Variants in PSMA6 observed in about 807,000 individuals in gnomAD.
PSMA6 encodes proteasome subunit alpha type-6.
For synonymous variants in PSMA6, 88 were observed against 97.7 expected (o/e 0.90, Z 0.59); for missense variants, 170 against 294.8 (o/e 0.58, Z 3.10).
intron 1 of PSMA6, among the ~76,000 whole-genome samples, chr14:35,299,105 T>C (rs527690656): frequency 6.6e-6 from 1 of 152,258 alleles, no homozygotes; most frequent in African/African-American, 2.4e-5. Flanking sequence ...TAGCTCACTG[T>C]AGCCTCAAAC....
At chr14:35,310,599 G>A in intron 3 of PSMA6, 141 bp from the exon 4 acceptor site, 1 of 757,406 alleles carries the variant, frequency 1.3e-6, no homozygotes. Flanking sequence ...GTATTCATTG[G>A]GGGAGAAAAA....
chr14:35,292,877 G>A, intron 1 of PSMA6: 1 of 512,486 alleles, frequency 2.0e-6, no homozygotes, highest in South Asian at 1.7e-5. Context: ...CCAGGCACAA[G>A]GTCTGTTTCT....
chr14:35,310,436 C>T (rs1259264603), intron 3 of PSMA6: 2 of 364,454 alleles, frequency 5.5e-6, no homozygotes, highest in African/African-American at 4.3e-5. Context: ...GCCACCATGC[C>T]CTGCCTCCTT....
In PSMA6 at chr14:35,303,857, T is replaced by C. The variant is rs535489644; in HGVS notation, c.77-4137T>C. On this transcript the variant is annotated intron_variant, in intron 1 of 6. Transcript: ENST00000261479. ...TAAACAATGTAGTATAACAACTATT[T>C]AGCATTTACATTGTATTAGCTAGTG... is the stretch of plus-strand genomic sequence containing the variant. Among the ~76,000 whole-genome samples the C allele has an allele frequency of 2.0e-5, 3 of 152,350 alleles. No homozygotes were observed. In the East Asian group the frequency reaches 5.8e-4, roughly 29 times the overall value.
At chr14:35,278,792 A>G in intron 1 of PSMA6, 1 of 1,489,162 alleles carries the variant, frequency 6.7e-7, no homozygotes, top group Non-Finnish European at 9.0e-7. Context: ...TCATTCTTAT[A>G]TTTTATTCCT....
chr14:35,299,025 C>T (rs987966558), intron 1 of PSMA6, among the ~76,000 whole-genome samples: 11 of 150,816 alleles, frequency 7.3e-5, no homozygotes, highest in Admixed American at 3.3e-4. Context: ...TGAGTCACTG[C>T]GTCCAGCTAT....
upstream of PSMA6, among the ~76,000 whole-genome samples, chr14:35,290,570 A>T (rs1199304360): frequency 6.6e-6 from 1 of 152,238 alleles, no homozygotes; most frequent in Non-Finnish European, 1.5e-5. Flanking sequence ...GAATTCCCTT[A>T]TGAAGGTCTT....
intron 1 of PSMA6, among the ~76,000 whole-genome samples, chr14:35,295,843 A>G (rs990086493): frequency 6.6e-6 from 1 of 152,140 alleles, no homozygotes; most frequent in Admixed American, 6.5e-5. Context: ...TTTGTAATCT[A>G]TTTTCAGGAA....
intron 1 of PSMA6, among the ~76,000 whole-genome samples, chr14:35,279,696 T>C (rs555158578): frequency 7.9e-5 from 12 of 152,356 alleles, no homozygotes; most frequent in African/African-American, 2.6e-4. Flanking sequence ...TAAGGAACAA[T>C]TGCTGCTTTA....
rs141553327 is a variant in PSMA6 at position 35,317,261 on chromosome 14, A to G, written c.696A>G (p.Glu232=). 1.9e-6 allele frequency: 3 copies of G among 1,613,202 alleles called. No individual in the cohort carries two copies. The highest frequency in any genetic ancestry group is 1.1e-5 in the South Asian group (1 of 91,056). Residue 232 remains glutamate (E), a synonymous_variant, in exon 7 of 7, where the codon GAA becomes GAG. Transcript: ENST00000261479. ...TTTTGCCTTCTAGGATTCTTACAGAAGCAGAGATTGATGCTCACCTTGTTG... is the reference window on the plus strand; with the variant it reads ...TTTTGCCTTCTAGGATTCTTACAGAGGCAGAGATTGATGCTCACCTTGTTG... ...VENPKFRILT[E]AEIDAHLVAL... is the part of the protein sequence containing the mutation.
At chr14:35,296,000 G>A (rs2051579757) in intron 1 of PSMA6, among the ~76,000 whole-genome samples, 1 of 152,106 alleles carries the variant, frequency 6.6e-6, no homozygotes, top group Non-Finnish European at 1.5e-5. Flanking sequence ...GAGAAGAGGA[G>A]TGGTCATTTG....
chr14:35,280,219 C>T (rs2051351967), intron 1 of PSMA6, among the ~76,000 whole-genome samples: 1 of 151,984 alleles, frequency 6.6e-6, no homozygotes, highest in African/African-American at 2.4e-5. Context: ...GCAGGTGGAT[C>T]ACCTGAGGTC....
At chr14:35,312,741 CA>C in intron 4 of PSMA6, 139 bp from the exon 5 acceptor site, 1 of 645,710 alleles carries the variant, frequency 1.5e-6, no homozygotes, top group East Asian at 3.0e-5. Flanking sequence ...TGTATTTTAT[CA>C]GTTTTCTTAA....
At chr14:35,299,593 A>T (rs2051671319) in intron 1 of PSMA6, among the ~76,000 whole-genome samples, 2 of 152,022 alleles carry the variant, frequency 1.3e-5, no homozygotes, top group Non-Finnish European at 2.9e-5. Context: ...AAGTGCTGGG[A>T]TTACAGGCGT....
intron 1 of PSMA6, among the ~76,000 whole-genome samples, chr14:35,298,538 G>C (rs1382624350): frequency 6.6e-6 from 1 of 151,752 alleles, no homozygotes; most frequent in Non-Finnish European, 1.5e-5. Flanking sequence ...TTATTTTCTT[G>C]CATAATCTTG....
chr14:35,311,038 C>T (rs1257292399), intron 4 of PSMA6, 143 bp downstream of exon 4: 1 of 784,168 alleles, frequency 1.3e-6, no homozygotes, highest in Non-Finnish European at 2.0e-6. Context: ...TATAATAAAT[C>T]AGAACTAAAG....
chr14:35,298,335 C>G (rs1238437928), intron 1 of PSMA6, among the ~76,000 whole-genome samples: 2 of 151,892 alleles, frequency 1.3e-5, no homozygotes, highest in African/African-American at 4.8e-5. Flanking sequence ...ACTAAAAATA[C>G]AAAAATTAGC....
At position 35,296,308 on chromosome 14, in the gene PSMA6, A is replaced by G. The variant is rs991280527; in HGVS notation, c.76+3756A>G. ...GCCCGGTATATATAGTAAGCACTCA[A>G]TGTTTTCTGGGTGTTTGTTTGTTTG... On this transcript the variant is annotated intron_variant, in intron 1 of 6. Transcript: ENST00000261479. 6.6e-5 allele frequency among the ~76,000 whole-genome samples: 10 copies of G among 150,696 alleles called. No individual in the cohort carries two copies. In the East Asian group the frequency reaches 7.7e-4, roughly 12 times the overall value.
chr14:35,287,690 A>G (rs2051436376), upstream of PSMA6, among the ~76,000 whole-genome samples: 1 of 152,208 alleles, frequency 6.6e-6, no homozygotes, highest in Admixed American at 6.5e-5. Flanking sequence ...AATTTTTTCA[A>G]AAAACCAGAA....
Sources: allele counts gnomAD v4.1 joint callset (sites outside exome capture counted in the v4.1 genomes callset), GRCh38; gene constraint gnomAD v4.1.1; transcripts MANE v1.5; gene names NCBI Gene and HGNC (gene_info 2026-07-23, HGNC 2026-07-21).